The following CASC3 variants were observed in gnomAD, a reference collection of about 807,000 sequenced individuals.
CASC3 encodes CASC3 exon junction complex subunit.
Under a neutral mutation model 80.5 loss-of-function variants are expected in CASC3, and 30 were observed. The ratio of observed to expected loss-of-function variants is 0.37; its 90% CI spans 0.28 to 0.51. The LOEUF (loss-of-function observed/expected upper bound fraction) is 0.51. Ranked by LOEUF, CASC3 falls within the 20% of genes least tolerant of loss-of-function variation. The pLI is 0.94. For missense variants in CASC3, 824 were observed against 922.2 expected (o/e 0.89, Z 1.38); for synonymous variants, 312 against 333.6 (o/e 0.94, Z 0.70).
At chr17:40,158,857 A>C (rs1989218503) in intron 3 of CASC3, among the ~76,000 whole-genome samples, 1 of 152,012 alleles carries the variant, frequency 6.6e-6, no homozygotes, top group Non-Finnish European at 1.5e-5. Context: ...GCTGCAGAAA[A>C]CCAGTACTCA....
At chr17:40,163,386 C>T (rs1288469818) in intron 6 of CASC3, 95 bp from the exon 7 acceptor site, 18 of 1,024,284 alleles carry the variant, frequency 1.8e-5, no homozygotes, top group South Asian at 1.6e-4. Context: ...CTGCCCGTCT[C>T]GATCTCCCAA....
Position 40,168,214 on chromosome 17 carries a change from C to G in CASC3, c.1762C>G (p.His588Asp). Residue 588 changes from histidine to aspartate, a missense_variant, in exon 11 of 14, where the codon CAC (histidine) becomes GAC (aspartate). Physicochemically the swap from His to Asp is moderately conservative, Grantham distance 81. This residue lies in a region of CASC3 where 464 missense variants were observed against 506.0 expected (regional missense o/e 0.92). Transcript: ENST00000264645. ...TTCTCCTTATCCAGGTTTACATCCC[C>G]ACCAGACACCAGCTCCTCTGCCCAA... is the stretch of plus-strand genomic sequence containing the variant. ...MNLPHPGLHPHQTPAPLPNPG... is the reference protein window; with the variant it reads ...MNLPHPGLHPDQTPAPLPNPG... The G allele has an allele frequency of 1.9e-6, 3 of 1,614,062 alleles. No homozygotes were observed. The highest frequency in any genetic ancestry group is 2.5e-6 in the Non-Finnish European group (3 of 1,179,952).
chr17:40,148,392 T>C (rs777415959), intron 3 of CASC3, among the ~76,000 whole-genome samples: 11 of 150,632 alleles, frequency 7.3e-5, no homozygotes, highest in Non-Finnish European at 1.2e-4. Flanking sequence ...TAAGACAGAG[T>C]CTCACTCTGT....
chr17:40,142,510 G>A (rs190298899), intron 3 of CASC3, among the ~76,000 whole-genome samples: 4 of 152,318 alleles, frequency 2.6e-5, no homozygotes, highest in South Asian at 2.1e-4. Context: ...AGTGGCTCAC[G>A]CCTGTAATCC....
At chr17:40,168,029 C>T in intron 10 of CASC3, 81 bp downstream of exon 10, 1 of 1,425,574 alleles carries the variant, frequency 7.0e-7, no homozygotes, top group African/African-American at 1.4e-5. Flanking sequence ...TCCTCCTGAG[C>T]TTTGTGCTGC....
chr17:40,156,738 G>A (rs1989156167), intron 3 of CASC3, among the ~76,000 whole-genome samples: 1 of 151,934 alleles, frequency 6.6e-6, no homozygotes. Context: ...GACAACATGG[G>A]AGTTAAGAGT....
intron 3 of CASC3, among the ~76,000 whole-genome samples, chr17:40,156,546 G>A (rs1342392601): frequency 2.6e-5 from 4 of 151,856 alleles, no homozygotes; most frequent in Non-Finnish European, 5.9e-5. Flanking sequence ...ATAATTAGCC[G>A]GGCATGGTGG....
At chr17:40,160,811 TACGC>T (rs1989277487) in intron 3 of CASC3, among the ~76,000 whole-genome samples, 2 of 152,062 alleles carry the variant, frequency 1.3e-5, no homozygotes, top group Non-Finnish European at 2.9e-5. Flanking sequence ...CCTCAAGTGA[TACGC>T]CTGCCTCGGC....
In CASC3 at chr17:40,141,244, A is replaced by G; in HGVS notation, c.259+10A>G. On this transcript the variant is annotated intron_variant, in intron 2 of 13. Coordinates refer to ENST00000264645, the MANE Select transcript of CASC3 (RefSeq NM_007359.5). ...GGCATTGAAGGTGATGGTGAGTAGC[A>G]TCTTTTACCCCATTAGGACAAGAGT... 7 of 1,612,648 alleles carry G rather than the reference A, an allele frequency of 4.3e-6. No homozygotes were observed. Among genetic ancestry groups the G allele is most frequent in the Non-Finnish European group, 5.9e-6 (7 of 1,178,642 alleles).
Position 40,171,463 on chromosome 17 carries a change from C to G in CASC3, c.*1058C>G. 2 of 987,540 alleles carry G rather than the reference C, an allele frequency of 2.0e-6. No homozygotes were observed. Among genetic ancestry groups the G allele is most frequent in the Non-Finnish European group, 2.4e-6 (2 of 830,944 alleles). 61.2% of individuals were successfully genotyped at this position (987,540 alleles called of 1,614,324 possible). A position where few individuals can be genotyped will look rare whatever the true frequency, so the allele number is the denominator to read the frequency against. On this transcript the variant is annotated 3_prime_UTR_variant, in exon 14 of 14. Coordinates refer to ENST00000264645, the MANE Select transcript of CASC3 (RefSeq NM_007359.5). Reference sequence around the variant, plus strand: ...AATATTATCCAGCAAGCAGTCTACCCTGTCCTTTGCAATTGCTCTTCTCCA... The same window carrying G: ...AATATTATCCAGCAAGCAGTCTACCGTGTCCTTTGCAATTGCTCTTCTCCA...
intron 3 of CASC3, among the ~76,000 whole-genome samples, chr17:40,160,352 A>G (rs1414727383): frequency 6.6e-6 from 1 of 152,088 alleles, no homozygotes; most frequent in Non-Finnish European, 1.5e-5. Flanking sequence ...AAAATCAGCC[A>G]GGTGTGGTGG....
chr17:40,167,477 A>G, intron 8 of CASC3, 21 bp from the exon 9 acceptor site: 2 of 1,572,942 alleles, frequency 1.3e-6, no homozygotes, highest in Non-Finnish European at 1.8e-6. Flanking sequence ...CTTATTGTTT[A>G]GGCCTCTTTC....
chr17:40,165,158 C>T (rs1018802653), intron 7 of CASC3, among the ~76,000 whole-genome samples: 3 of 151,442 alleles, frequency 2.0e-5, no homozygotes, highest in African/African-American at 4.9e-5. Context: ...CTCCTGACCT[C>T]GTGATCCGCC....
At chr17:40,144,171 A>T (rs1006134459) in intron 3 of CASC3, among the ~76,000 whole-genome samples, 1 of 151,932 alleles carries the variant, frequency 6.6e-6, no homozygotes, top group Admixed American at 6.6e-5. Flanking sequence ...AGGCAGGAGA[A>T]TCACTTGAAC....
intron 3 of CASC3, among the ~76,000 whole-genome samples, chr17:40,157,547 C>A (rs945047837): frequency 6.6e-6 from 1 of 151,064 alleles, no homozygotes. Flanking sequence ...TGGTGGCATA[C>A]GCCTGTAGTC....
chr17:40,147,986 C>A (rs1296803512), intron 3 of CASC3, among the ~76,000 whole-genome samples: 2 of 152,058 alleles, frequency 1.3e-5, no homozygotes, highest in Non-Finnish European at 2.9e-5. Flanking sequence ...GGATGTCTTT[C>A]TGGCATGCTT....
intron 3 of CASC3, among the ~76,000 whole-genome samples, chr17:40,154,377 G>A (rs900914198): frequency 2.6e-5 from 4 of 151,910 alleles, no homozygotes; most frequent in African/African-American, 4.8e-5. Context: ...GGGATTACAG[G>A]TGTGCGCTGC....
intron 3 of CASC3, among the ~76,000 whole-genome samples, chr17:40,151,850 G>T (rs1228170222): frequency 1.3e-5 from 2 of 152,018 alleles, no homozygotes; most frequent in Non-Finnish European, 2.9e-5. Context: ...TATGTGTCTG[G>T]CCTCTTTCAG....
intron 3 of CASC3, 112 bp from the exon 4 acceptor site, chr17:40,161,641 T>G: frequency 2.2e-6 from 2 of 894,294 alleles, no homozygotes; most frequent in Non-Finnish European, 3.6e-6. Context: ...ATTGTGCCAC[T>G]GTATTCCAGC....
Sources: gnomAD v4.1 joint callset for allele counts (sites outside exome capture counted in the v4.1 genomes callset) on GRCh38, gnomAD v4.1.1 for gene constraint, gnomAD v4.1.1 regional missense constraint, MANE v1.5 for transcripts, NCBI Gene and HGNC (gene_info 2026-07-23, HGNC 2026-07-21) for gene names.